Variants in DAB1 observed in about 807,000 individuals in gnomAD.
The protein encoded by DAB1 is DAB adaptor protein 1.
A neutral mutation model predicts 64.6 loss-of-function variants in DAB1; 15 were observed. The ratio of observed to expected loss-of-function variants is 0.23; its 90% CI spans 0.16 to 0.36. The LOEUF is 0.36. DAB1 is among the 10% of genes least tolerant of loss of function. DAB1 has a pLI of 1.00. For synonymous variants in DAB1, 235 were observed against 251.9 expected, an observed-to-expected ratio of 0.93 and a Z score of 0.64; for missense variants, 596 against 706.7, an observed-to-expected ratio of 0.84 and a Z score of 1.78.
intron 7 of DAB1, among the ~76,000 whole-genome samples, chr1:57,435,884 A>G (rs906307629): frequency 1.3e-5 from 2 of 151,374 alleles, no homozygotes; most frequent in Admixed American, 6.6e-5. Context: ...TGTGCTATAC[A>G]TAAGTGTATG....
At chr1:58,545,485 A>G (rs985856203) in intron 1 of DAB1, among the ~76,000 whole-genome samples, 1 of 148,624 alleles carries the variant, frequency 6.7e-6, no homozygotes, top group African/African-American at 2.4e-5. Flanking sequence ...CAAGGAGCCA[A>G]TCACTAGACT....
rs111773840 is a variant in DAB1 at position 58,457,894 on chromosome 1, G to A, written n.257+48166C>T. 4.7e-3 allele frequency among the ~76,000 whole-genome samples: 720 copies of A among 152,280 alleles called. 6 individuals are homozygous for A. Among genetic ancestry groups the A allele is most frequent in the African/African-American group, 0.017 (687 of 41,554 alleles). On this transcript the variant is annotated intron_variant and non_coding_transcript_variant, in intron 3 of 20. Coordinates refer to the DAB1 transcript ENST00000485760. Reference sequence around the variant, plus strand: ...TGGGGAGAAAAGGCAAGAATGGTCCGCTACACATCAACGCTCTGCCTGGCT... The same window carrying A: ...TGGGGAGAAAAGGCAAGAATGGTCCACTACACATCAACGCTCTGCCTGGCT...
chr1:57,163,511 G>T (rs542155432), intron 2 of DAB1, among the ~76,000 whole-genome samples: 1 of 152,102 alleles, frequency 6.6e-6, no homozygotes, highest in Admixed American at 6.5e-5. Flanking sequence ...GCTGCTTTGT[G>T]AGGCAAGGTA....
intron 9 of DAB1, among the ~76,000 whole-genome samples, chr1:57,039,998 T>C (rs1158453211): frequency 1.3e-5 from 2 of 152,170 alleles, no homozygotes; most frequent in Non-Finnish European, 2.9e-5. Flanking sequence ...ACTGAGCATC[T>C]ATAAACAAAG....
chr1:58,044,429 C>T (rs1437687664), intron 5 of DAB1, among the ~76,000 whole-genome samples: 2 of 151,746 alleles, frequency 1.3e-5, no homozygotes, highest in African/African-American at 4.8e-5. Flanking sequence ...CATTTTTTCG[C>T]TTCTTAGCTC....
intron 2 of DAB1, among the ~76,000 whole-genome samples, chr1:57,183,325 A>G (rs559214070): frequency 1.9e-3 from 288 of 152,346 alleles, no homozygotes; most frequent in Non-Finnish European, 3.0e-3. Flanking sequence ...AGACAGTTAC[A>G]CTGACACAAA....
chr1:58,075,140 A>G (rs1649560265), intron 5 of DAB1, among the ~76,000 whole-genome samples: 1 of 152,192 alleles, frequency 6.6e-6, no homozygotes, highest in African/African-American at 2.4e-5. Context: ...CCAACCACCT[A>G]GGAAACAGAG....
chr1:57,605,186 C>T (rs1006462235), intron 7 of DAB1, among the ~76,000 whole-genome samples: 1 of 152,098 alleles, frequency 6.6e-6, no homozygotes, highest in Non-Finnish European at 1.5e-5. Context: ...TCTTTCCATG[C>T]CTAGTGGAGC....
At chr1:58,380,487 T>G (rs1162980707) in intron 3 of DAB1, among the ~76,000 whole-genome samples, 1 of 152,240 alleles carries the variant, frequency 6.6e-6, no homozygotes, top group Non-Finnish European at 1.5e-5. Flanking sequence ...GAAAATGGAC[T>G]AATACAGCCC....
chr1:57,776,453 A>T (rs1390432951), intron 6 of DAB1, among the ~76,000 whole-genome samples: 4 of 151,808 alleles, frequency 2.6e-5, no homozygotes, highest in Non-Finnish European at 5.9e-5. Context: ...GTAGTTACTG[A>T]CATAGTTGAA....
At chr1:58,238,259 A>G (rs1660137367) in intron 4 of DAB1, among the ~76,000 whole-genome samples, 1 of 152,236 alleles carries the variant, frequency 6.6e-6, no homozygotes, top group Non-Finnish European at 1.5e-5. Context: ...CATCCAGGGA[A>G]GTCACCTCAC....
chr1:58,436,744 C>G (rs926202914), intron 3 of DAB1, among the ~76,000 whole-genome samples: 1 of 152,234 alleles, frequency 6.6e-6, no homozygotes, highest in African/African-American at 2.4e-5. Context: ...AGCTACTCCT[C>G]TAATATGGGA....
intron 7 of DAB1, among the ~76,000 whole-genome samples, chr1:57,615,333 A>G (rs1645779474): frequency 6.6e-6 from 1 of 152,158 alleles, no homozygotes; most frequent in Admixed American, 6.5e-5. Flanking sequence ...TTCTTCAACA[A>G]ATAACTAGCA....
intron 3 of DAB1, among the ~76,000 whole-genome samples, chr1:58,381,428 G>T (rs1354214592): frequency 6.6e-6 from 1 of 152,164 alleles, no homozygotes; most frequent in African/African-American, 2.4e-5. Flanking sequence ...TTGAACAGGG[G>T]AATAACAATA....
chr1:57,843,381 G>A (rs1333203608), intron 1 of DAB1, among the ~76,000 whole-genome samples: 1 of 152,044 alleles, frequency 6.6e-6, no homozygotes, highest in Non-Finnish European at 1.5e-5. Context: ...TATCTAGTTG[G>A]GTGATTCTGG....
At chr1:58,112,719 T>G (rs1252839554) in intron 5 of DAB1, among the ~76,000 whole-genome samples, 3 of 152,298 alleles carry the variant, frequency 2.0e-5, no homozygotes, top group East Asian at 1.9e-4. Flanking sequence ...CCTAAATGAA[T>G]GATGAATGAA....
chr1:57,950,478 T>C (rs893143688), intron 5 of DAB1, among the ~76,000 whole-genome samples: 1 of 152,178 alleles, frequency 6.6e-6, no homozygotes, highest in Non-Finnish European at 1.5e-5. Context: ...CCTAACATTG[T>C]CCACAGGGGA....
intron 5 of DAB1, among the ~76,000 whole-genome samples, chr1:58,108,790 G>A (rs1305183013): frequency 1.3e-5 from 2 of 152,102 alleles, no homozygotes; most frequent in African/African-American, 4.8e-5. Flanking sequence ...ACATACAGAT[G>A]CCCCAAATAG....
intron 7 of DAB1, among the ~76,000 whole-genome samples, chr1:57,586,231 C>T (rs186582923): frequency 1.7e-3 from 253 of 152,232 alleles, no homozygotes; most frequent in African/African-American, 5.9e-3. Flanking sequence ...AGAAACTTTT[C>T]TCTCCTCACC....
Sources: gnomAD v4.1 joint callset for allele counts (sites outside exome capture counted in the v4.1 genomes callset) on GRCh38, gnomAD v4.1.1 for gene constraint, MANE v1.5 for transcripts, NCBI Gene and HGNC (gene_info 2026-07-23, HGNC 2026-07-21) for gene names.